CDH12: variants seen among roughly 807,000 people sequenced by gnomAD.
CDH12 encodes cadherin-12.
In CDH12, 41 loss-of-function variants were observed where a neutral mutation model predicts 74.1. The ratio of observed to expected loss-of-function variants is 0.55; its 90% CI spans 0.43 to 0.72. The LOEUF (loss-of-function observed/expected upper bound fraction) is 0.72. Among genes scored for constraint, CDH12 ranks in the 30% least tolerant of loss-of-function variants. The pLI, the probability that CDH12 is intolerant of heterozygous loss-of-function variation, is 0.00. For missense variants in CDH12, 945 were observed against 977.2 expected (o/e 0.97, Z 0.44); for synonymous variants, 399 against 355.0 (o/e 1.12, Z -1.39).
At chr5:21,753,897 A>C (rs1744238115) in intron 14 of CDH12, among the ~76,000 whole-genome samples, 1 of 152,190 alleles carries the variant, frequency 6.6e-6, no homozygotes, top group South Asian at 2.1e-4. Context: ...AAACAGAAAG[A>C]GTTTCTCTGA....
intron 2 of CDH12, among the ~76,000 whole-genome samples, chr5:22,482,961 CT>C (rs1410272994): frequency 6.6e-6 from 1 of 152,088 alleles, no homozygotes; most frequent in Admixed American, 6.6e-5. Context: ...CTTCATTTGC[CT>C]AGCTGGTAAT....
chr5:22,409,160 G>A (rs909986630), intron 2 of CDH12, among the ~76,000 whole-genome samples: 2 of 152,030 alleles, frequency 1.3e-5, no homozygotes, highest in Non-Finnish European at 2.9e-5. Flanking sequence ...AAGAGTTAGA[G>A]TATACTCTTA....
intron 1 of CDH12, among the ~76,000 whole-genome samples, chr5:22,711,875 C>T (rs1005149752): frequency 2.0e-5 from 3 of 152,024 alleles, no homozygotes; most frequent in Non-Finnish European, 4.4e-5. Flanking sequence ...GCATTCATTA[C>T]AAAATCAAGT....
intron 4 of CDH12, among the ~76,000 whole-genome samples, chr5:22,163,623 C>G (rs1748490341): frequency 6.6e-6 from 1 of 152,174 alleles, no homozygotes; most frequent in African/African-American, 2.4e-5. Flanking sequence ...TTTTCACCAT[C>G]TTTGTTAGAA....
intron 1 of CDH12, among the ~76,000 whole-genome samples, chr5:22,720,169 C>T (rs183056370): frequency 3.9e-5 from 6 of 152,196 alleles, no homozygotes; most frequent in South Asian, 2.1e-4. Context: ...AGGAGGGACC[C>T]GGTGGGAGGT....
At chr5:22,255,263 A>ATT (rs569981314) in intron 3 of CDH12, among the ~76,000 whole-genome samples, 8 of 147,768 alleles carry the variant, frequency 5.4e-5, no homozygotes, top group African/African-American at 1.7e-4. Context: ...AGTATTTGTG[A>ATT]TTTTTTTTTT....
intron 1 of CDH12, among the ~76,000 whole-genome samples, chr5:22,551,437 C>CTCAG (rs1451059873): frequency 6.6e-6 from 1 of 152,138 alleles, no homozygotes; most frequent in African/African-American, 2.4e-5. Flanking sequence ...AGGAGACAAG[C>CTCAG]TCAGATCAGG....
intron 2 of CDH12, among the ~76,000 whole-genome samples, chr5:22,442,322 G>C (rs867400926): frequency 1.3e-5 from 2 of 152,200 alleles, no homozygotes; most frequent in South Asian, 4.1e-4. Context: ...ATGCTACTAA[G>C]TGGCAGAGTC....
chr5:22,650,724 T>C (rs1739690924), intron 1 of CDH12, among the ~76,000 whole-genome samples: 1 of 152,002 alleles, frequency 6.6e-6, no homozygotes, highest in Non-Finnish European at 1.5e-5. Context: ...TATTGGGTAA[T>C]GAAGCATCAC....
At chr5:22,741,720 C>T (rs561327887) in intron 1 of CDH12, among the ~76,000 whole-genome samples, 1 of 152,298 alleles carries the variant, frequency 6.6e-6, no homozygotes, top group South Asian at 2.1e-4. Context: ...CAGCATTCTT[C>T]CTTCTATACT....
At chr5:22,287,404 A>G (rs1282879285) in intron 3 of CDH12, among the ~76,000 whole-genome samples, 1 of 152,138 alleles carries the variant, frequency 6.6e-6, no homozygotes, top group Non-Finnish European at 1.5e-5. Context: ...TTTATAGTAC[A>G]GTTAAAAATA....
intron 5 of CDH12, among the ~76,000 whole-genome samples, chr5:22,020,661 T>C (rs1737916397): frequency 6.6e-6 from 1 of 152,090 alleles, no homozygotes; most frequent in African/African-American, 2.4e-5. Context: ...TCTCCCTTCA[T>C]TCTCACTTTG....
intron 2 of CDH12, among the ~76,000 whole-genome samples, chr5:22,428,308 A>T (rs966311674): frequency 6.6e-6 from 1 of 152,098 alleles, no homozygotes; most frequent in Middle Eastern, 3.2e-3. Context: ...GGAAACTCTC[A>T]ATCTCCATTA....
chr5:22,619,768 C>G (rs796547932), intron 1 of CDH12, among the ~76,000 whole-genome samples: 5 of 151,672 alleles, frequency 3.3e-5, no homozygotes, highest in African/African-American at 1.2e-4. Context: ...TGGTACTATG[C>G]TTCCCCCAGC....
At chr5:22,788,498 A>G (rs1747752408) in intron 1 of CDH12, among the ~76,000 whole-genome samples, 3 of 150,010 alleles carry the variant, frequency 2.0e-5, no homozygotes, top group Admixed American at 1.3e-4. Flanking sequence ...ACTATATGTC[A>G]TTCCAATAAT....
intron 4 of CDH12, among the ~76,000 whole-genome samples, chr5:22,161,854 T>TA (rs947121108): frequency 1.3e-5 from 2 of 152,026 alleles, no homozygotes; most frequent in Non-Finnish European, 2.9e-5. Flanking sequence ...AATATATATT[T>TA]AAAAAATAAC....
chr5:22,578,430 A>G (rs1459849484), intron 1 of CDH12, among the ~76,000 whole-genome samples: 1 of 151,954 alleles, frequency 6.6e-6, no homozygotes, highest in Non-Finnish European at 1.5e-5. Context: ...TTAGTAATCG[A>G]GCAAGTATTC....
intron 1 of CDH12, among the ~76,000 whole-genome samples, chr5:22,841,951 A>G (rs991042601): frequency 6.6e-6 from 1 of 152,176 alleles, no homozygotes; most frequent in Non-Finnish European, 1.5e-5. Flanking sequence ...CTATAACCAC[A>G]TGGTTCCGCA....
chr5:22,653,997 C>T (rs970047026), intron 1 of CDH12, among the ~76,000 whole-genome samples: 1 of 123,106 alleles, frequency 8.1e-6, no homozygotes, highest in Non-Finnish European at 1.7e-5. Flanking sequence ...TCCCTTCCTT[C>T]CTTCCTTCCT....
Sources: gnomAD v4.1 joint callset for allele counts (sites outside exome capture counted in the v4.1 genomes callset) on GRCh38, gnomAD v4.1.1 for gene constraint, MANE v1.5 for transcripts, NCBI Gene and HGNC (gene_info 2026-07-23, HGNC 2026-07-21) for gene names.